CAST: variants seen among roughly 807,000 people sequenced by gnomAD.
CAST encodes calpastatin, also known as MIR583 host.
In CAST, 76 loss-of-function variants were observed where a neutral mutation model predicts 119.6. That is an observed-to-expected ratio of 0.64 (90% CI 0.53 to 0.77). The LOEUF is 0.77. Among genes scored for constraint, CAST ranks in the 30% least tolerant of loss-of-function variants. The pLI is 0.00. For synonymous variants in CAST, 319 were observed against 331.6 expected, an observed-to-expected ratio of 0.96 and a Z score of 0.41; for missense variants, 953 against 946.5, an observed-to-expected ratio of 1.01 and a Z score of -0.09.
chr5:95,984,175 CAG>C, the CAST span, among the ~76,000 whole-genome samples: 2,815 of 152,208 alleles, frequency 0.018, 80 homozygotes, highest in African/African-American at 0.064. Context: ...TATTGGAAAA[CAG>C]AGTAGTGTTT....
the CAST span, among the ~76,000 whole-genome samples, chr5:96,316,979 A>G: frequency 7.9e-5 from 12 of 152,166 alleles, no homozygotes; most frequent in African/African-American, 2.9e-4. Context: ...GTTGGCCTTA[A>G]AAGATTATCT....
At chr5:96,534,720 A>AAAGGAAG (rs1357381564) in intron 1 of CAST, among the ~76,000 whole-genome samples, 3 of 21,704 alleles carry the variant, frequency 1.4e-4, no homozygotes, top group Non-Finnish European at 2.8e-4. Flanking sequence ...GGAAGGAGAG[A>AAAGGAAG]GAGAGAGAGA....
chr5:96,352,406 G>A, the CAST span, among the ~76,000 whole-genome samples: 4 of 152,128 alleles, frequency 2.6e-5, no homozygotes, highest in African/African-American at 4.8e-5. Context: ...GGGGCTCCAA[G>A]AAATTGAACA....
chr5:96,116,666 A>G, the CAST span, among the ~76,000 whole-genome samples: 11 of 152,302 alleles, frequency 7.2e-5, no homozygotes, highest in South Asian at 6.2e-4. Flanking sequence ...TTGATGAGTA[A>G]TGACATTGAG....
chr5:96,559,351 T>G lies in CAST; in HGVS notation c.60+29471T>G, dbSNP rs375132695. Among the ~76,000 whole-genome samples, 129 of 152,322 alleles carry G rather than the reference T, an allele frequency of 8.5e-4. 1 individual carries two copies. The South Asian group carries it at 0.026, about 31-fold the overall frequency. ...CTATTCAACATAGTGTTGGAAGTTC[T>G]GGCCAGGGCAATCAGGCAGGAGAAG... On this transcript the variant is annotated intron_variant, in intron 1 of 11. Coordinates refer to the CAST transcript ENST00000505143.
chr5:96,404,550 A>T, the CAST span, among the ~76,000 whole-genome samples: 2 of 152,314 alleles, frequency 1.3e-5, no homozygotes, highest in South Asian at 4.1e-4. Flanking sequence ...TTAACACAGC[A>T]TATTGAGTAG....
intron 1 of CAST, among the ~76,000 whole-genome samples, chr5:96,555,788 C>T (rs1746227211): frequency 6.6e-6 from 1 of 152,232 alleles, no homozygotes; most frequent in Non-Finnish European, 1.5e-5. Flanking sequence ...CTGTAGACTC[C>T]ACCTCTAGGG....
At chr5:96,048,924 A>G in the CAST span, among the ~76,000 whole-genome samples, 1 of 152,220 alleles carries the variant, frequency 6.6e-6, no homozygotes, top group Non-Finnish European at 1.5e-5. Context: ...GCCAGGAGCC[A>G]TGTAGGATCA....
chr5:96,520,358 C>T (rs561721552), upstream of CAST, among the ~76,000 whole-genome samples: 9 of 152,376 alleles, frequency 5.9e-5, no homozygotes, highest in South Asian at 1.9e-3. Flanking sequence ...ACAATGTCCT[C>T]TGCTCCTTTC....
chr5:96,749,144 T>C (rs553289206), intron 19 of CAST, among the ~76,000 whole-genome samples: 19 of 152,362 alleles, frequency 1.2e-4, no homozygotes, highest in African/African-American at 4.1e-4. Flanking sequence ...ACTTGGTTCC[T>C]CTGTCTTGAT....
the CAST span, among the ~76,000 whole-genome samples, chr5:96,009,628 A>G: frequency 6.6e-6 from 1 of 151,966 alleles, no homozygotes; most frequent in Non-Finnish European, 1.5e-5. Flanking sequence ...TCCGTTGCCT[A>G]TTTTTTAATG....
At chr5:96,703,486 A>C (rs186518940) in intron 3 of CAST, among the ~76,000 whole-genome samples, 1 of 152,350 alleles carries the variant, frequency 6.6e-6, no homozygotes, top group Admixed American at 6.5e-5. Flanking sequence ...GTTGTAGAAT[A>C]ACATCACTGA....
At chr5:96,083,031 A>G in the CAST span, among the ~76,000 whole-genome samples, 4 of 152,334 alleles carry the variant, frequency 2.6e-5, no homozygotes, top group Non-Finnish European at 5.9e-5. Context: ...TCTCCATAGC[A>G]TAGGGTATTT....
At chr5:96,157,391 T>A in the CAST span, among the ~76,000 whole-genome samples, 1 of 152,396 alleles carries the variant, frequency 6.6e-6, no homozygotes, top group African/African-American at 2.4e-5. Flanking sequence ...GTTGTCTAAG[T>A]TGGAGAAACC....
chr5:96,293,169 C>T, the CAST span, among the ~76,000 whole-genome samples: 1 of 152,286 alleles, frequency 6.6e-6, no homozygotes, highest in African/African-American at 2.4e-5. Flanking sequence ...CAAGGCAGCC[C>T]TGAGGGGAGG....
At chr5:96,233,847 A>C in the CAST span, among the ~76,000 whole-genome samples, 1 of 152,202 alleles carries the variant, frequency 6.6e-6, no homozygotes, top group African/African-American at 2.4e-5. Flanking sequence ...TTCGTGTATA[A>C]TCAGACACTG....
At chr5:96,620,794 G>A (rs1285950444) in intron 1 of CAST, among the ~76,000 whole-genome samples, 9 of 152,124 alleles carry the variant, frequency 5.9e-5, no homozygotes, top group Non-Finnish European at 1.2e-4. Flanking sequence ...CTTTTGGGGG[G>A]ATTACCTTGC....
the CAST span, among the ~76,000 whole-genome samples, chr5:96,519,949 CTATT>C: frequency 6.6e-6 from 1 of 152,132 alleles, no homozygotes; most frequent in Admixed American, 6.6e-5. Context: ...TTTAAAAAAA[CTATT>C]TATTTGCATT....
At chr5:96,599,849 G>A (rs980031578) in intron 1 of CAST, among the ~76,000 whole-genome samples, 1 of 151,808 alleles carries the variant, frequency 6.6e-6, no homozygotes, top group Non-Finnish European at 1.5e-5. Context: ...CTCCTCACAA[G>A]AGGGAAGTCT....
Sources: gnomAD v4.1 joint callset for allele counts (sites outside exome capture counted in the v4.1 genomes callset) on GRCh38, gnomAD v4.1.1 for gene constraint, MANE v1.5 for transcripts, NCBI Gene and HGNC (gene_info 2026-07-23, HGNC 2026-07-21) for gene names.